Variants in HMGA1 observed in about 807,000 individuals in gnomAD.
HMGA1 encodes the protein high mobility group AT-hook 1, also known as high mobility group protein HMG-I/HMG-Y.
In HMGA1, 1 loss-of-function variant was observed where a neutral mutation model predicts 15.1. The observed-to-expected ratio is 0.07, with a 90% CI of 0.02 to 0.31. The LOEUF is 0.31. HMGA1 is among the 10% of genes least tolerant of loss of function. The probability of loss-of-function intolerance (pLI) is 1.00; values close to 1 mark genes in which losing one functional copy is unlikely to be tolerated. For synonymous variants in HMGA1, 56 were observed against 54.8 expected, an observed-to-expected ratio of 1.02 and a Z score of -0.10; for missense variants, 94 against 141.4, an observed-to-expected ratio of 0.66 and a Z score of 1.70.
chr6:34,243,595 C>G (rs1220861782), intron 5 of HMGA1, 77 bp downstream of exon 5: 3 of 1,145,250 alleles, frequency 2.6e-6, no homozygotes, highest in Admixed American at 3.6e-5. Context: ...GTACCTGATG[C>G]TATGCACCCC....
At chr6:34,241,019 A>AT (rs1762262283) in intron 3 of HMGA1, 104 bp downstream of exon 3, 2 of 1,346,834 alleles carry the variant, frequency 1.5e-6, no homozygotes, top group Non-Finnish European at 2.1e-6. Flanking sequence ...GTGCAGAATG[A>AT]TTCTGCGCAG....
intron 4 of HMGA1, among the ~76,000 whole-genome samples, chr6:34,243,080 G>A (rs1762431164): frequency 6.6e-6 from 1 of 152,164 alleles, no homozygotes. Context: ...TGGGGAGAAT[G>A]GAGGGTCCCT....
At position 34,245,537 on chromosome 6, in the gene HMGA1, G is replaced by GGTGA; in HGVS notation, c.*656_*659dup. On this transcript the variant is annotated 3_prime_UTR_variant, in exon 6 of 6. Transcript: ENST00000311487. ...CCTTCGGTTACAGGAAGGCAGGAGG[G>GGTGA]GTGAGTCCCCTACTCCCTCTTCACT... 1.4e-6 allele frequency: 2 copies of GGTGA among 1,381,822 alleles called. No individual in the cohort carries two copies. Among genetic ancestry groups the GGTGA allele is most frequent in the South Asian group, 2.5e-5 (2 of 81,564 alleles). The allele number at this position is 1,381,822 out of a possible 1,614,324, so 85.6% of individuals were successfully genotyped here.
rs1380189748 is a variant in HMGA1 at position 34,245,436 on chromosome 6, T to A, written c.*552T>A. 7.3e-7 allele frequency: 1 copy of A among 1,369,438 alleles called. No individual in the cohort carries two copies. The allele number at this position is 1,369,438 out of a possible 1,614,324, so 84.8% of individuals were successfully genotyped here. A position where few individuals can be genotyped will look rare whatever the true frequency, so the allele number is the denominator to read the frequency against. On this transcript the variant is annotated 3_prime_UTR_variant, in exon 6 of 6. Coordinates refer to ENST00000311487, the MANE Select transcript of HMGA1 (RefSeq NM_145899.3). Reference sequence around the variant, plus strand: ...GCCCCCAGGATTCCCCCAGCCAAACTGTCTTTGTCACCACGTGGGGCTCAC... The same window carrying A: ...GCCCCCAGGATTCCCCCAGCCAAACAGTCTTTGTCACCACGTGGGGCTCAC...
intron 2 of HMGA1, among the ~76,000 whole-genome samples, chr6:34,238,072 G>A (rs1479325694): frequency 1.3e-5 from 2 of 152,180 alleles, no homozygotes; most frequent in African/African-American, 2.4e-5. Context: ...TTATTTTGCG[G>A]GGAGGGGACG....
intron 5 of HMGA1, among the ~76,000 whole-genome samples, 184 bp downstream of exon 5, chr6:34,243,702 A>G (rs563908144): frequency 1.4e-4 from 22 of 152,214 alleles, no homozygotes; most frequent in African/African-American, 5.1e-4. Flanking sequence ...ATGAGAAGTG[A>G]GGGGTCCCAG....
Position 34,245,264 on chromosome 6 carries a change from G to C in HMGA1, c.*380G>C, listed in dbSNP as rs1762653203. The C allele has an allele frequency of 7.3e-7, 1 of 1,375,862 alleles. No homozygotes were observed. Among genetic ancestry groups the C allele is most frequent in the Non-Finnish European group, 9.6e-7 (1 of 1,042,858 alleles). 85.2% of individuals were successfully genotyped at this position (1,375,862 alleles called of 1,614,324 possible). A position where few individuals can be genotyped will look rare whatever the true frequency, so the allele number is the denominator to read the frequency against. On this transcript the variant is annotated 3_prime_UTR_variant, in exon 6 of 6. Coordinates refer to ENST00000311487, the MANE Select transcript of HMGA1 (RefSeq NM_145899.3). ...CTTTTGGTTTGGGGGCGCCCTCTCT[G>C]CTCCTTCACTGTTCCCTCTGGCTTC...
intron 1 of HMGA1, 58 bp from the exon 2 acceptor site, chr6:34,237,146 G>C (rs2127535715): frequency 6.7e-6 from 1 of 148,986 alleles, no homozygotes; most frequent in Non-Finnish European, 1.5e-5. Context: ...CGGGGGCCTG[G>C]GCGGCGAGCA....
chr6:34,237,081 G>C (rs1391696835), intron 1 of HMGA1, 118 bp downstream of exon 1: 2 of 151,922 alleles, frequency 1.3e-5, no homozygotes, highest in African/African-American at 4.8e-5. Flanking sequence ...GCCATCCTTC[G>C]GGGGAGGGGG....
Position 34,245,757 on chromosome 6 carries a change from A to G in HMGA1, c.*873A>G. On this transcript the variant is annotated 3_prime_UTR_variant, in exon 6 of 6. Transcript: ENST00000311487. ...CCTCCTCAGATGGGGCACCAATAACAAGGAGCTCACCCTGCCCGCTCCCAA... is the reference window on the plus strand; with the variant it reads ...CCTCCTCAGATGGGGCACCAATAACGAGGAGCTCACCCTGCCCGCTCCCAA... The G allele has an allele frequency of 3.9e-6, 2 of 506,544 alleles. No individual in the cohort carries two copies. The highest frequency in any genetic ancestry group is 6.9e-6 in the Non-Finnish European group (2 of 288,996). 31.4% of individuals were successfully genotyped at this position (506,544 alleles called of 1,614,324 possible). A position where few individuals can be genotyped will look rare whatever the true frequency, so the allele number is the denominator to read the frequency against.
Position 34,245,265 on chromosome 6 carries a change from C to T in HMGA1, c.*381C>T, listed in dbSNP as rs1313346504. On this transcript the variant is annotated 3_prime_UTR_variant, in exon 6 of 6. Coordinates refer to ENST00000311487, the MANE Select transcript of HMGA1 (RefSeq NM_145899.3). ...TTTTGGTTTGGGGGCGCCCTCTCTG[C>T]TCCTTCACTGTTCCCTCTGGCTTCC... 7.3e-7 allele frequency: 1 copy of T among 1,375,860 alleles called. No individual in the cohort carries two copies. 85.2% of individuals were successfully genotyped at this position (1,375,860 alleles called of 1,614,324 possible).
intron 2 of HMGA1, among the ~76,000 whole-genome samples, chr6:34,237,824 C>A (rs1369365487): frequency 6.6e-6 from 1 of 151,922 alleles, no homozygotes; most frequent in Non-Finnish European, 1.5e-5. Flanking sequence ...GAGGAACCCC[C>A]AAATTCGGCC....
Position 34,245,061 on chromosome 6 carries a change from C to T in HMGA1, c.*177C>T. On this transcript the variant is annotated 3_prime_UTR_variant, in exon 6 of 6. Coordinates refer to ENST00000311487, the MANE Select transcript of HMGA1 (RefSeq NM_145899.3). ...ACCACACTACACAGCACACCAGCCG[C>T]TGCAGGGCTCCCATGGGCTGAGTGG... 1.3e-6 allele frequency: 2 copies of T among 1,535,260 alleles called. No homozygotes were observed. The highest frequency in any genetic ancestry group is 1.8e-6 in the Non-Finnish European group (2 of 1,141,048).
In HMGA1 at chr6:34,245,416, C is replaced by T; in HGVS notation, c.*532C>T. On this transcript the variant is annotated 3_prime_UTR_variant, in exon 6 of 6. Transcript: ENST00000311487. Reference sequence around the variant, plus strand: ...GCCAATGGAGGGGGGTGCTGGCCCCCAGGATTCCCCCAGCCAAACTGTCTT... The same window carrying T: ...GCCAATGGAGGGGGGTGCTGGCCCCTAGGATTCCCCCAGCCAAACTGTCTT... The T allele has an allele frequency of 7.3e-7, 1 of 1,361,430 alleles. No homozygotes were observed. Among genetic ancestry groups the T allele is most frequent in the Non-Finnish European group, 9.7e-7 (1 of 1,033,074 alleles). The allele number at this position is 1,361,430 out of a possible 1,614,324, so 84.3% of individuals were successfully genotyped here.
chr6:34,243,956 C>T (rs1038898809), intron 5 of HMGA1, among the ~76,000 whole-genome samples: 2 of 152,050 alleles, frequency 1.3e-5, no homozygotes, highest in Non-Finnish European at 2.9e-5. Context: ...TGCTGGAGTT[C>T]TGATGTGACC....
At position 34,240,765 on chromosome 6, in the gene HMGA1, C is replaced by T; in HGVS notation, c.-16C>T. The T allele has an allele frequency of 1.2e-6, 2 of 1,612,180 alleles. No individual in the cohort carries two copies. Among genetic ancestry groups the T allele is most frequent in the Non-Finnish European group, 8.5e-7 (1 of 1,179,872 alleles). On this transcript the variant is annotated 5_prime_UTR_variant, in exon 3 of 6. Coordinates refer to ENST00000311487, the MANE Select transcript of HMGA1 (RefSeq NM_145899.3). ...CCCAGCCATCACTCTTCCACCTGCT[C>T]CTTAGAGAAGGGAAGATGAGTGAGT...
chr6:34,242,857 C>A, intron 4 of HMGA1, 62 bp downstream of exon 4: 1 of 1,266,500 alleles, frequency 7.9e-7, no homozygotes, highest in Non-Finnish European at 1.1e-6. Flanking sequence ...CTTGTTGGCA[C>A]CATGGCCACG....
At chr6:34,240,323 C>T (rs1415178155) in intron 2 of HMGA1, among the ~76,000 whole-genome samples, 3 of 152,154 alleles carry the variant, frequency 2.0e-5, no homozygotes, top group Non-Finnish European at 2.9e-5. Context: ...GCTGGATTTT[C>T]TCTTAAAGAG....
At chr6:34,237,524 C>A (rs1050119081) in intron 2 of HMGA1, among the ~76,000 whole-genome samples, 2 of 144,492 alleles carry the variant, frequency 1.4e-5, no homozygotes, top group African/African-American at 5.0e-5. Context: ...GGAGGACGCC[C>A]GCACCCCTTC....
Sources: allele counts gnomAD v4.1 joint callset (sites outside exome capture counted in the v4.1 genomes callset), GRCh38; gene constraint gnomAD v4.1.1; transcripts MANE v1.5; gene names NCBI Gene and HGNC (gene_info 2026-07-23, HGNC 2026-07-21).